Variants in COL22A1 observed in about 807,000 individuals in gnomAD.
COL22A1 encodes collagen type XXII alpha 1 chain.
Under a neutral mutation model 248.9 loss-of-function variants are expected in COL22A1, and 221 were observed. That is an observed-to-expected ratio of 0.89 (90% CI 0.80 to 0.99). COL22A1 has a LOEUF of 0.99. Among genes scored for constraint, COL22A1 ranks in the 50% least tolerant of loss-of-function variants. The pLI is 0.00. For missense variants in COL22A1, 2,240 were observed against 2,179.0 expected, an observed-to-expected ratio of 1.03 and a Z score of -0.56; for synonymous variants, 891 against 793.4, an observed-to-expected ratio of 1.12 and a Z score of -2.07.
At chr8:138,754,143 T>C (rs1832812196) in intron 21 of COL22A1, among the ~76,000 whole-genome samples, 1 of 152,234 alleles carries the variant, frequency 6.6e-6, no homozygotes, top group Non-Finnish European at 1.5e-5. Context: ...AAAACATATA[T>C]AGTATAGACC....
intron 3 of COL22A1, among the ~76,000 whole-genome samples, chr8:138,869,351 T>C (rs2132000295): frequency 6.6e-6 from 1 of 152,304 alleles, no homozygotes; most frequent in African/African-American, 2.4e-5. Context: ...GAGGTGATGG[T>C]GCAAGCTGCC....
intron 3 of COL22A1, among the ~76,000 whole-genome samples, chr8:138,849,713 C>T (rs1233934385): frequency 6.6e-6 from 1 of 152,064 alleles, no homozygotes. Flanking sequence ...GTCTTCCTCA[C>T]CCTGTACCTA....
chr8:138,872,548 G>A (rs1823419447), intron 3 of COL22A1, among the ~76,000 whole-genome samples: 1 of 152,196 alleles, frequency 6.6e-6, no homozygotes, highest in East Asian at 1.9e-4. Flanking sequence ...GACCCGATAA[G>A]CTATATAAAG....
chr8:138,854,483 G>T (rs1412461219), intron 3 of COL22A1, among the ~76,000 whole-genome samples: 1 of 152,176 alleles, frequency 6.6e-6, no homozygotes, highest in Non-Finnish European at 1.5e-5. Flanking sequence ...TCTCCTGGGA[G>T]GTAGCAGAGG....
chr8:138,713,059 G>A (rs559269304), intron 30 of COL22A1, among the ~76,000 whole-genome samples: 2 of 152,196 alleles, frequency 1.3e-5, no homozygotes, highest in East Asian at 1.9e-4. Flanking sequence ...TTGAAAGCAC[G>A]TATTTTAGAG....
At chr8:138,635,271 C>G (rs573437427) in intron 48 of COL22A1, among the ~76,000 whole-genome samples, 1 of 151,928 alleles carries the variant, frequency 6.6e-6, no homozygotes, top group Non-Finnish European at 1.5e-5. Context: ...GTCCTGAAAG[C>G]GGATTTGCTT....
intron 8 of COL22A1, 72 bp from the exon 9 acceptor site, chr8:138,811,993 T>C (rs1818277404): frequency 2.1e-6 from 3 of 1,454,226 alleles, no homozygotes; most frequent in Admixed American, 4.9e-5. Context: ...AAGCACAGTG[T>C]CGGGTGCTTC....
At chr8:138,802,262 C>A (rs1817058918) in intron 11 of COL22A1, among the ~76,000 whole-genome samples, 1 of 152,108 alleles carries the variant, frequency 6.6e-6, no homozygotes, top group African/African-American at 2.4e-5. Flanking sequence ...CTTTCCTGAC[C>A]CATCATTAAT....
chr8:138,873,361 G>A (rs1339223660), intron 3 of COL22A1, among the ~76,000 whole-genome samples: 4 of 152,120 alleles, frequency 2.6e-5, no homozygotes, highest in Non-Finnish European at 4.4e-5. Flanking sequence ...GGGGTGGGGA[G>A]TGAAACAGAT....
At position 138,768,524 on chromosome 8, in the gene COL22A1, C is replaced by T. The variant is rs149518648; in HGVS notation, c.1804-6058G>A. On this transcript the variant is annotated intron_variant, in intron 16 of 64. Coordinates refer to ENST00000303045, the MANE Select transcript of COL22A1 (RefSeq NM_152888.3). ...GAACTCAAACCCCTAGCAATCACAA[C>T]GGACTCGTTTATTAAATAGGAATAT... 1.7e-4 allele frequency among the ~76,000 whole-genome samples: 26 copies of T among 152,324 alleles called. No homozygotes were observed. The East Asian group carries it at 4.6e-3, about 27-fold the overall frequency.
intron 45 of COL22A1, among the ~76,000 whole-genome samples, chr8:138,654,098 C>T (rs1230500347): frequency 6.6e-6 from 1 of 152,140 alleles, no homozygotes; most frequent in East Asian, 1.9e-4. Flanking sequence ...GATGCTTAGC[C>T]ATTTCAGTGC....
chr8:138,631,727 G>A (rs983037890), intron 49 of COL22A1, among the ~76,000 whole-genome samples: 1 of 151,982 alleles, frequency 6.6e-6, no homozygotes, highest in Non-Finnish European at 1.5e-5. Flanking sequence ...ACAGGTCTTA[G>A]CTCAGATATC....
At chr8:138,656,059 C>T in intron 44 of COL22A1, 115 bp from the exon 45 acceptor site, 2 of 814,258 alleles carry the variant, frequency 2.5e-6, no homozygotes, top group Non-Finnish European at 4.1e-6. Context: ...ACACACTGCG[C>T]CGTGCGTGGG....
intron 16 of COL22A1, among the ~76,000 whole-genome samples, chr8:138,774,241 C>T (rs879932517): frequency 1.1e-4 from 16 of 152,012 alleles, no homozygotes; most frequent in Non-Finnish European, 2.4e-4. Flanking sequence ...GAGGCCAGTC[C>T]CCGCCTCCCT....
At chr8:138,779,596 G>A (rs765832372) in intron 13 of COL22A1, 34 bp from the exon 14 acceptor site, 1 of 1,503,674 alleles carries the variant, frequency 6.7e-7, no homozygotes, top group Non-Finnish European at 9.3e-7. Flanking sequence ...GTCATAGGCA[G>A]TGGGACACAG....
intron 18 of COL22A1, among the ~76,000 whole-genome samples, chr8:138,758,629 C>T (rs566539397): frequency 6.6e-6 from 1 of 152,076 alleles, no homozygotes; most frequent in Admixed American, 6.5e-5. Flanking sequence ...TTAAAAAGAC[C>T]GTCTCTGCAG....
At chr8:138,645,166 C>T (rs533676924) in intron 47 of COL22A1, among the ~76,000 whole-genome samples, 1 of 152,178 alleles carries the variant, frequency 6.6e-6, no homozygotes, top group Admixed American at 6.5e-5. Context: ...AAAAAACATA[C>T]CCCTGGGTGG....
At chr8:138,721,602 A>T (rs1377918430) in intron 26 of COL22A1, among the ~76,000 whole-genome samples, 1 of 150,838 alleles carries the variant, frequency 6.6e-6, no homozygotes, top group African/African-American at 2.4e-5. Flanking sequence ...AACAGATCAA[A>T]TTTTTTTTTT....
rs368235407 is a variant in COL22A1 at position 138,877,958 on chromosome 8, G to T, written c.450C>A (p.Thr150=). 3.1e-6 allele frequency: 5 copies of T among 1,594,314 alleles called. No individual in the cohort carries two copies. The highest frequency in any genetic ancestry group is 4.3e-6 in the Non-Finnish European group (5 of 1,170,274). The stretch of plus-strand genomic sequence containing the variant: ...GCACCAGGTCCTGGCTGCGGCCGTC[G>T]GTGAGCAGGATGGCCACCTGCTTGT... ...RAYKQVAILL[T]DGRSQDLVLD... is the part of the protein sequence containing the mutation. Residue 150 remains threonine, a synonymous_variant, in exon 3 of 65, where the codon ACC becomes ACA. Transcript: ENST00000303045.
Sources: gnomAD v4.1 joint callset for allele counts (sites outside exome capture counted in the v4.1 genomes callset) on GRCh38, gnomAD v4.1.1 for gene constraint, MANE v1.5 for transcripts, NCBI Gene and HGNC (gene_info 2026-07-23, HGNC 2026-07-21) for gene names.